The following SLCO1B3 variants were observed in gnomAD, a reference collection of about 807,000 sequenced individuals.
SLCO1B3 encodes liver-specific organic anion transporter 2.
Under a neutral mutation model 71.8 loss-of-function variants are expected in SLCO1B3, and 72 were observed. The ratio of observed to expected loss-of-function variants is 1.00; its 90% CI spans 0.83 to 1.22. SLCO1B3 has a LOEUF of 1.22. Ranked by LOEUF, SLCO1B3 falls within the 50% of genes most tolerant of loss-of-function variation. The probability of loss-of-function intolerance (pLI) is 0.00; values close to 1 mark genes in which losing one functional copy is unlikely to be tolerated. For synonymous variants in SLCO1B3, 298 were observed against 278.4 expected, an observed-to-expected ratio of 1.07 and a Z score of -0.70; for missense variants, 911 against 819.7, an observed-to-expected ratio of 1.11 and a Z score of -1.36.
At chr12:20,882,724 T>C (rs1340262522) in intron 12 of SLCO1B3, among the ~76,000 whole-genome samples, 1 of 152,142 alleles carries the variant, frequency 6.6e-6, no homozygotes, top group East Asian at 1.9e-4. Context: ...CAAGTTCTCC[T>C]TCAGTAAATA....
At chr12:20,909,171 T>C (rs1319932435) in intron 15 of SLCO1B3, among the ~76,000 whole-genome samples, 3 of 145,570 alleles carry the variant, frequency 2.1e-5, no homozygotes, top group East Asian at 3.9e-4. Flanking sequence ...TTTTCTTTTT[T>C]TTTTTTTTTT....
chr12:20,878,183 GA>G (rs537552606), intron 10 of SLCO1B3, among the ~76,000 whole-genome samples: 47 of 150,980 alleles, frequency 3.1e-4, no homozygotes, highest in African/African-American at 7.8e-4. Flanking sequence ...AAATTCTAAA[GA>G]AAAAAAATTG....
chr12:20,907,387 T>G (rs1340476853), intron 15 of SLCO1B3, among the ~76,000 whole-genome samples: 1 of 150,848 alleles, frequency 6.6e-6, no homozygotes, highest in Non-Finnish European at 1.5e-5. Flanking sequence ...ATTTCTTTCC[T>G]CCCTCCCTCC....
chr12:20,846,787 A>G (rs2121193795), intron 3 of SLCO1B3, among the ~76,000 whole-genome samples: 1 of 149,096 alleles, frequency 6.7e-6, no homozygotes, highest in East Asian at 2.0e-4. Flanking sequence ...TTTAAAATAA[A>G]ATAAACTGTA....
intron 15 of SLCO1B3, among the ~76,000 whole-genome samples, chr12:20,905,593 C>T (rs1487502439): frequency 1.3e-5 from 2 of 152,110 alleles, no homozygotes; most frequent in Non-Finnish European, 2.9e-5. Context: ...GTTGAAAGTT[C>T]CACAGATCTC....
chr12:20,845,424 A>G (rs1049265936), intron 3 of SLCO1B3, among the ~76,000 whole-genome samples: 1 of 152,184 alleles, frequency 6.6e-6, no homozygotes, highest in African/African-American at 2.4e-5. Context: ...TGAACTGAGT[A>G]AGAAGCTCAC....
Position 20,815,836 on chromosome 12 carries a change from T to C in SLCO1B3, c.84+14T>C, listed in dbSNP as rs769660205. The C allele has an allele frequency of 5.3e-5, 81 of 1,522,906 alleles. No individual in the cohort carries two copies. The highest frequency in any genetic ancestry group is 7.2e-5 in the Non-Finnish European group (81 of 1,124,242). 94.3% of individuals were successfully genotyped at this position (1,522,906 alleles called of 1,614,324 possible). ...AATGGATTCAAGGTAGAATGGGTTT[T>C]ATATTTTCAAACTAAAATAAGTTAA... On this transcript the variant is annotated intron_variant, in intron 3 of 15. Transcript: ENST00000381545.
intron 3 of SLCO1B3, among the ~76,000 whole-genome samples, chr12:20,842,386 A>C (rs1319153599): frequency 6.6e-6 from 1 of 152,160 alleles, no homozygotes; most frequent in Non-Finnish European, 1.5e-5. Flanking sequence ...TATACCTATT[A>C]AATCCATTGT....
chr12:20,822,020 G>A (rs1252367481), intron 3 of SLCO1B3, among the ~76,000 whole-genome samples: 1 of 152,182 alleles, frequency 6.6e-6, no homozygotes, highest in Admixed American at 6.5e-5. Flanking sequence ...GGAGAAGAGA[G>A]TAAAAAGAGG....
intron 8 of SLCO1B3, among the ~76,000 whole-genome samples, chr12:20,872,830 G>C (rs1049562384): frequency 6.6e-6 from 1 of 152,096 alleles, no homozygotes; most frequent in Non-Finnish European, 1.5e-5. Flanking sequence ...TAGAAAAAAA[G>C]AATCACCTCT....
At chr12:20,911,623 A>T (rs903345597) in intron 15 of SLCO1B3, among the ~76,000 whole-genome samples, 18 of 152,180 alleles carry the variant, frequency 1.2e-4, no homozygotes, top group African/African-American at 3.6e-4. Context: ...ACAGATATAG[A>T]TCTATTCAGA....
At chr12:20,843,604 C>A (rs1163558398) in intron 3 of SLCO1B3, among the ~76,000 whole-genome samples, 1 of 151,876 alleles carries the variant, frequency 6.6e-6, no homozygotes, top group Non-Finnish European at 1.5e-5. Flanking sequence ...CATGGTGAAA[C>A]CCCGTCTCTA....
chr12:20,882,276 C>T (rs890792851), intron 12 of SLCO1B3, among the ~76,000 whole-genome samples: 1 of 152,144 alleles, frequency 6.6e-6, no homozygotes, highest in African/African-American at 2.4e-5. Context: ...AAATAATGCT[C>T]TCTGTATCAA....
In SLCO1B3 at chr12:20,815,706, T is replaced by TA; in HGVS notation, c.-28dup. Reference sequence around the variant, plus strand: ...TTTCAAACCAAGCATCAGCAACAATTAAAAATATTCACTTGGTATCTGTAG... The same window carrying TA: ...TTTCAAACCAAGCATCAGCAACAATTAAAAAATATTCACTTGGTATCTGTAG... On this transcript the variant is annotated 5_prime_UTR_variant, in exon 3 of 16. Coordinates refer to ENST00000381545, the MANE Select transcript of SLCO1B3 (RefSeq NM_019844.4). 1 of 1,279,312 alleles carries TA rather than the reference T, an allele frequency of 7.8e-7. No homozygotes were observed. Among genetic ancestry groups the TA allele is most frequent in the Admixed American group, 1.8e-5 (1 of 55,298 alleles). The allele number at this position is 1,279,312 out of a possible 1,614,324, so 79.2% of individuals were successfully genotyped here.
intron 1 of SLCO1B3, among the ~76,000 whole-genome samples, chr12:20,810,999 A>G (rs199878544): frequency 6.6e-6 from 1 of 152,182 alleles, no homozygotes. Flanking sequence ...TATAAAGTGA[A>G]AAATAAAGTT....
At chr12:20,859,357 A>C (rs1910188) in intron 5 of SLCO1B3, among the ~76,000 whole-genome samples, 110,101 of 152,010 alleles carry the variant, frequency 0.72, 42,467 homozygotes, top group South Asian at 0.9. Flanking sequence ...AGCTAAAAAA[A>C]CCAACTTCTG....
chr12:20,862,380 G>T, intron 6 of SLCO1B3, 32 bp from the exon 7 acceptor site: 1 of 1,566,418 alleles, frequency 6.4e-7, no homozygotes, highest in African/African-American at 1.4e-5. Flanking sequence ...TAAAATTAAT[G>T]TTTAAAGTAA....
intron 9 of SLCO1B3, among the ~76,000 whole-genome samples, chr12:20,876,494 T>TG (rs369157256): frequency 2.6e-5 from 4 of 151,626 alleles, no homozygotes; most frequent in African/African-American, 9.7e-5. Context: ...TACCTTTTTT[T>TG]TTGTTGTTGT....
chr12:20,845,116 A>G (rs1864887885), intron 3 of SLCO1B3: 1 of 438,338 alleles, frequency 2.3e-6, no homozygotes. Flanking sequence ...AAGCCATTTT[A>G]TTATCCAGCA....
Sources: gnomAD v4.1 joint callset for allele counts (sites outside exome capture counted in the v4.1 genomes callset) on GRCh38, gnomAD v4.1.1 for gene constraint, MANE v1.5 for transcripts, NCBI Gene and HGNC (gene_info 2026-07-23, HGNC 2026-07-21) for gene names.